Variants in ANKRD44 observed in about 807,000 individuals in gnomAD.
ANKRD44 encodes serine/threonine-protein phosphatase 6 regulatory ankyrin repeat subunit B.
Under a neutral mutation model 116.0 loss-of-function variants are expected in ANKRD44, and 35 were observed. The observed-to-expected ratio is 0.30, with a 90% CI of 0.23 to 0.40. ANKRD44 has a LOEUF of 0.40. ANKRD44 is among the 10% of genes least tolerant of loss of function. ANKRD44 has a pLI of 1.00. For missense variants in ANKRD44, 1,014 were observed against 1,242.6 expected (o/e 0.82, Z 2.77); for synonymous variants, 435 against 461.8 (o/e 0.94, Z 0.74).
intron 16 of ANKRD44, among the ~76,000 whole-genome samples, chr2:197,034,656 C>T (rs964573229): frequency 2.6e-4 from 39 of 151,732 alleles, no homozygotes; most frequent in African/African-American, 8.5e-4. Context: ...TAATCATTCA[C>T]GAAGGTTCTA....
At position 197,211,882 on chromosome 2, in the gene ANKRD44, T is replaced by C. The variant is rs147580364; in HGVS notation, c.28-24776A>G. ...AGCCCCAAGAAAGGTGATCGACAGA[T>C]CCAGACCAACAGAGCCAAAGGAACA... On this transcript the variant is annotated intron_variant, in intron 1 of 27. Transcript: ENST00000282272. Among the ~76,000 whole-genome samples the C allele has an allele frequency of 1.2e-4, 18 of 151,958 alleles. No individual in the cohort carries two copies. The East Asian group carries it at 2.3e-3, about 20-fold the overall frequency.
At chr2:197,011,197 C>T (rs894925549) in intron 18 of ANKRD44, among the ~76,000 whole-genome samples, 4 of 152,152 alleles carry the variant, frequency 2.6e-5, no homozygotes, top group African/African-American at 9.6e-5. Context: ...GGACTGACAG[C>T]TGAATACTGC....
At chr2:196,992,273 C>A (rs951581477) in intron 27 of ANKRD44, among the ~76,000 whole-genome samples, 1 of 152,160 alleles carries the variant, frequency 6.6e-6, no homozygotes, top group African/African-American at 2.4e-5. Context: ...CCCACCCTGC[C>A]CTTTAGGACA....
intron 2 of ANKRD44, among the ~76,000 whole-genome samples, chr2:197,167,099 T>C (rs1256381785): frequency 6.6e-6 from 1 of 152,180 alleles, no homozygotes; most frequent in Non-Finnish European, 1.5e-5. Context: ...ACTCTTGCAC[T>C]GTGCTGAGAA....
At chr2:197,177,239 T>G (rs2080387124) in intron 2 of ANKRD44, among the ~76,000 whole-genome samples, 1 of 152,214 alleles carries the variant, frequency 6.6e-6, no homozygotes, top group Non-Finnish European at 1.5e-5. Context: ...AAAAGGTATC[T>G]GAAAAGTTTT....
rs771826807 is a variant in ANKRD44, at chr2:197,013,668, C to T, written c.1767G>A (p.Ser589=). Residue 589 remains serine (S), a synonymous_variant, in exon 18 of 28, where the codon TCG becomes TCA. Transcript: ENST00000282272. ...CATCCCTGATGTCCAGGTCCACCAA[C>T]GACTGCAGAAGGACTTCCAAGGCTT... ...HHQALEVLLQ[S]LVDLDIRDEK... is the part of the protein sequence containing the mutation. The T allele has an allele frequency of 1.7e-5, 28 of 1,613,718 alleles. No homozygotes were observed. Among genetic ancestry groups the T allele is most frequent in the African/African-American group, 5.3e-5 (4 of 74,898 alleles).
rs979030977 is a variant in ANKRD44 at position 197,034,457 on chromosome 2, C to T, written c.1651-9190G>A. On this transcript the variant is annotated intron_variant, in intron 16 of 27. Transcript: ENST00000282272. ...TGCTCAACTACATTCATAAATCCAA[C>T]GTGCATATCTAGTATGTCACCATGG... Among the ~76,000 whole-genome samples, 10 of 148,918 alleles carry T rather than the reference C, an allele frequency of 6.7e-5. No individual in the cohort carries two copies. The South Asian group carries it at 1.1e-3, about 16-fold the overall frequency.
In ANKRD44 at chr2:197,000,448, A is replaced by C; in HGVS notation, c.2490T>G (p.Ser830Arg). The C allele has an allele frequency of 6.2e-7, 1 of 1,614,118 alleles. No individual in the cohort carries two copies. The highest frequency in any genetic ancestry group is 1.3e-5 in the African/African-American group (1 of 75,032). ...ASLLLGAIDS[S>R]IVSCRDDKGR... ...CTTTGTCATCTCTACAACTGACGAT[A>C]CTGGAATCTATGGCCCCAAGCAGCA... Residue 830 changes from serine (S) to arginine (R), a missense_variant, in exon 23 of 28, where the codon AGT becomes AGG. Coordinates refer to ENST00000282272, the MANE Select transcript of ANKRD44 (RefSeq NM_001195144.2).
chr2:197,122,241 G>T (rs1412408336), intron 7 of ANKRD44, among the ~76,000 whole-genome samples: 1 of 152,180 alleles, frequency 6.6e-6, no homozygotes, highest in African/African-American at 2.4e-5. Context: ...AGAAAGAGAA[G>T]GCAGCAGTCT....
chr2:197,196,765 T>C (rs1316121083), intron 1 of ANKRD44, among the ~76,000 whole-genome samples: 1 of 152,178 alleles, frequency 6.6e-6, no homozygotes, highest in African/African-American at 2.4e-5. Flanking sequence ...CAGCAAGCAA[T>C]TTTTACACAA....
At chr2:197,263,257 C>A in intron 1 of ANKRD44, 1 of 566,302 alleles carries the variant, frequency 1.8e-6, no homozygotes, top group East Asian at 3.9e-5. Context: ...TCTCACGTCC[C>A]CTTACCTCAC....
intron 1 of ANKRD44, among the ~76,000 whole-genome samples, chr2:197,193,445 T>C (rs2080870192): frequency 6.6e-6 from 1 of 152,218 alleles, no homozygotes; most frequent in Non-Finnish European, 1.5e-5. Flanking sequence ...TGTTAATTTT[T>C]ATTGACCTCC....
rs900680156 is a variant in ANKRD44 at position 197,182,037 on chromosome 2, G to A, written c.111+4986C>T. Among the ~76,000 whole-genome samples, 13 of 152,154 alleles carry A rather than the reference G, an allele frequency of 8.5e-5. No individual in the cohort carries two copies. The East Asian group carries it at 2.3e-3, about 27-fold the overall frequency. On this transcript the variant is annotated intron_variant, in intron 2 of 27. Coordinates refer to ENST00000282272, the MANE Select transcript of ANKRD44 (RefSeq NM_001195144.2). ...CCTGTTCCAGTAGGACACAGTAAAA[G>A]TGTCCTCTTGACATCACATTGTCAT...
chr2:197,078,755 T>C lies in ANKRD44; in HGVS notation c.1598A>G (p.Tyr533Cys). ...ANPSIRDKEG[Y>C]NSIHYAAAYG... ...GGCGGCAGCATAATGTATGCTATTG[T>C]AACCTTCCTTGTCCCGGATAGATGG... is the stretch of plus-strand genomic sequence containing the variant. Residue 533 changes from tyrosine to cysteine, a missense_variant, in exon 16 of 28, where the codon TAC becomes TGC. By Grantham distance (194) the Tyr-to-Cys change is radical. Transcript: ENST00000282272. 6.2e-7 allele frequency: 1 copy of C among 1,613,236 alleles called. No individual in the cohort carries two copies. Among genetic ancestry groups the C allele is most frequent in the Non-Finnish European group, 8.5e-7 (1 of 1,179,418 alleles).
At chr2:197,234,464 T>TA (rs2125775652) in intron 1 of ANKRD44, among the ~76,000 whole-genome samples, 1 of 152,378 alleles carries the variant, frequency 6.6e-6, no homozygotes, top group South Asian at 2.1e-4. Context: ...AGTGCTGGGA[T>TA]TACAGGCGTG....
rs534191163 is a variant in ANKRD44 at position 197,041,449 on chromosome 2, C to T, written c.1651-16182G>A. 2.6e-5 allele frequency among the ~76,000 whole-genome samples: 4 copies of T among 152,274 alleles called. No individual in the cohort carries two copies. The East Asian group carries it at 7.7e-4, about 29-fold the overall frequency. ...TCTGGGCATACCCTATAGGCCTTGG[C>T]TCAAGCATCAACTATGGTCTTCAAG... is the stretch of plus-strand genomic sequence containing the variant. On this transcript the variant is annotated intron_variant, in intron 16 of 27. Coordinates refer to ENST00000282272, the MANE Select transcript of ANKRD44 (RefSeq NM_001195144.2).
At chr2:197,169,920 T>C (rs951574876) in intron 2 of ANKRD44, among the ~76,000 whole-genome samples, 5 of 152,098 alleles carry the variant, frequency 3.3e-5, no homozygotes, top group Non-Finnish European at 7.4e-5. Context: ...GCCAGGTACG[T>C]GGTTCATGCC....
intron 1 of ANKRD44, among the ~76,000 whole-genome samples, chr2:197,246,497 T>TA (rs2082196153): frequency 6.6e-6 from 1 of 151,462 alleles, no homozygotes; most frequent in Non-Finnish European, 1.5e-5. Flanking sequence ...CCCAGCCCCA[T>TA]AACCCCTGGA....
intron 1 of ANKRD44, among the ~76,000 whole-genome samples, chr2:197,217,859 C>T (rs2081486320): frequency 2.0e-5 from 3 of 152,158 alleles, no homozygotes; most frequent in Admixed American, 6.5e-5. Context: ...GCACAGAATA[C>T]ACAACTCTCA....
Sources: allele counts gnomAD v4.1 joint callset (sites outside exome capture counted in the v4.1 genomes callset), GRCh38; gene constraint gnomAD v4.1.1; transcripts MANE v1.5; gene names NCBI Gene and HGNC (gene_info 2026-07-23, HGNC 2026-07-21).